Variants in PPIH observed in about 807,000 individuals in gnomAD.
PPIH encodes peptidyl-prolyl cis-trans isomerase H.
Under a neutral mutation model 27.6 loss-of-function variants are expected in PPIH, and 16 were observed. The ratio of observed to expected loss-of-function variants is 0.58; its 90% CI spans 0.39 to 0.88. PPIH has a LOEUF of 0.88. PPIH is among the 40% of genes least tolerant of loss of function. The pLI, the probability that PPIH is intolerant of heterozygous loss-of-function variation, is 0.00. For synonymous variants in PPIH, 63 were observed against 76.1 expected, an observed-to-expected ratio of 0.83 and a Z score of 0.90; for missense variants, 155 against 224.1, an observed-to-expected ratio of 0.69 and a Z score of 1.97.
intron 6 of PPIH, among the ~76,000 whole-genome samples, chr1:42,665,596 T>A (rs969032281): frequency 2.0e-5 from 3 of 152,074 alleles, no homozygotes; most frequent in African/African-American, 7.2e-5. Context: ...TCCCAGCACT[T>A]TGGGGAGGCC....
chr1:42,681,057 G>A (rs1347843767), downstream of PPIH: 2 of 152,180 alleles, frequency 1.3e-5, no homozygotes, highest in African/African-American at 4.8e-5. Context: ...AAGGAATACT[G>A]CATTAGCCTC....
At chr1:42,673,027 C>T (rs1277906067) in intron 9 of PPIH, among the ~76,000 whole-genome samples, 1 of 151,676 alleles carries the variant, frequency 6.6e-6, no homozygotes, top group African/African-American at 2.4e-5. Context: ...CAGGGTCTTA[C>T]TCTGTCACCC....
rs1649244452 is a variant in PPIH at position 42,664,843 on chromosome 1, C to T, written c.244-20C>T. 1 of 1,591,856 alleles carries T rather than the reference C, an allele frequency of 6.3e-7. No individual in the cohort carries two copies. On this transcript the variant is annotated intron_variant, in intron 5 of 9. Coordinates refer to ENST00000304979, the MANE Select transcript of PPIH (RefSeq NM_006347.4). The stretch of plus-strand genomic sequence containing the variant: ...GACCCAACACTCCAAGTCACTAATA[C>T]TTCCCTTCTCTCTGCTCAGGGAGAT...
intron 4 of PPIH, among the ~76,000 whole-genome samples, chr1:42,659,983 T>A (rs1428519012): frequency 6.6e-6 from 1 of 152,200 alleles, no homozygotes; most frequent in Non-Finnish European, 1.5e-5. Flanking sequence ...CAATATAGAA[T>A]CTTTCTCATG....
intron 4 of PPIH, 38 bp from the exon 5 acceptor site, chr1:42,660,824 C>T (rs750129999): frequency 6.6e-7 from 1 of 1,513,338 alleles, no homozygotes; most frequent in Non-Finnish European, 9.0e-7. Flanking sequence ...TTTTCTAAAC[C>T]ATAAAATCTT....
At chr1:42,668,202 CA>C (rs1016276659) in intron 9 of PPIH, among the ~76,000 whole-genome samples, 7 of 151,710 alleles carry the variant, frequency 4.6e-5, no homozygotes, top group Non-Finnish European at 7.4e-5. Context: ...TTCAAACCTG[CA>C]AAAAAGTTAG....
chr1:42,661,901 T>C (rs1258111816), intron 5 of PPIH, among the ~76,000 whole-genome samples: 1 of 152,210 alleles, frequency 6.6e-6, no homozygotes, highest in African/African-American at 2.4e-5. Context: ...GGGCCTGCAT[T>C]TCTCACAGTG....
chr1:42,672,695 G>A (rs541196358), intron 9 of PPIH, among the ~76,000 whole-genome samples: 33 of 151,946 alleles, frequency 2.2e-4, no homozygotes, highest in Non-Finnish European at 3.7e-4. Flanking sequence ...TGCCCAGGCT[G>A]GAGTGCAGTG....
intron 6 of PPIH, 121 bp from the exon 7 acceptor site, chr1:42,665,859 C>G (rs1342278556): frequency 6.3e-6 from 5 of 791,186 alleles, no homozygotes; most frequent in Non-Finnish European, 8.8e-6. Flanking sequence ...ATAATAGGTG[C>G]TAAGTTAGAT....
intron 9 of PPIH, chr1:42,675,417 C>T (rs1424542114): frequency 6.6e-6 from 1 of 152,258 alleles, no homozygotes; most frequent in African/African-American, 2.4e-5. Flanking sequence ...CATCTCTCCA[C>T]TGTGGCATTT....
At chr1:42,672,134 C>T (rs1034331066) in intron 9 of PPIH, among the ~76,000 whole-genome samples, 2 of 152,102 alleles carry the variant, frequency 1.3e-5, no homozygotes, top group Admixed American at 6.5e-5. Flanking sequence ...CCATCCGCCT[C>T]GGACTCCCAA....
In PPIH at chr1:42,658,506, C is replaced by A; in HGVS notation, c.60C>A (p.Gly20=). ...NPVVFFDVSI[G]GQEVGRMKIE... is the part of the protein sequence containing the mutation. ...TGGTGTTCTTTGATGTCAGTATTGG[C>A]GGTCAGGTGAGATCCAGGAGGCTGC... The change falls in exon 1 of 10, where the codon GGC becomes GGA. Residue 20 remains glycine (G), a synonymous_variant. Transcript: ENST00000304979. The A allele has an allele frequency of 6.2e-7, 1 of 1,613,882 alleles. No individual in the cohort carries two copies. The highest frequency in any genetic ancestry group is 8.5e-7 in the Non-Finnish European group (1 of 1,179,770).
At chr1:42,661,647 G>T (rs79912717) in intron 5 of PPIH, among the ~76,000 whole-genome samples, 1 of 152,072 alleles carries the variant, frequency 6.6e-6, no homozygotes, top group Non-Finnish European at 1.5e-5. Context: ...TAGTTGTGTT[G>T]CTGTTTTCTT....
At chr1:42,661,197 A>G (rs1424887373) in intron 5 of PPIH, among the ~76,000 whole-genome samples, 1 of 152,196 alleles carries the variant, frequency 6.6e-6, no homozygotes, top group Non-Finnish European at 1.5e-5. Flanking sequence ...ATGATCTATG[A>G]TAGGTTCACA....
rs1333475793 is a variant in PPIH at position 42,672,349 on chromosome 1, G to A, written c.*22-4235G>A. ...TGAGGCAAGTCAATAGGGGATAAGA[G>A]TCTATCTTTTAATTGAGAACTTGCC... On this transcript the variant is annotated intron_variant, in intron 9 of 9. Transcript: ENST00000304979. 3.3e-5 allele frequency among the ~76,000 whole-genome samples: 5 copies of A among 151,766 alleles called. No homozygotes were observed. In the East Asian group the frequency reaches 9.7e-4, roughly 29 times the overall value.
intron 5 of PPIH, among the ~76,000 whole-genome samples, chr1:42,662,779 A>G (rs562697029): frequency 6.6e-6 from 1 of 152,322 alleles, no homozygotes; most frequent in South Asian, 2.1e-4. Context: ...ACCTCACAAT[A>G]TACTATTGGC....
chr1:42,675,751 A>G (rs1422912559), intron 9 of PPIH, among the ~76,000 whole-genome samples: 1 of 152,162 alleles, frequency 6.6e-6, no homozygotes, highest in Non-Finnish European at 1.5e-5. Context: ...GCTCGACTTC[A>G]AGGCCATAAA....
intron 4 of PPIH, 43 bp downstream of exon 4, chr1:42,659,609 T>C: frequency 1.9e-6 from 3 of 1,593,054 alleles, no homozygotes; most frequent in Non-Finnish European, 2.6e-6. Flanking sequence ...TCAGAAATAT[T>C]TCCTGGGGGA....
At chr1:42,679,320 G>T (rs1039757372), downstream of PPIH, among the ~76,000 whole-genome samples, 1 of 152,234 alleles carries the variant, frequency 6.6e-6, no homozygotes. Flanking sequence ...CTCCCGAGTA[G>T]CTGGGATTAC....
Sources: gnomAD v4.1 joint callset for allele counts (sites outside exome capture counted in the v4.1 genomes callset) on GRCh38, gnomAD v4.1.1 for gene constraint, MANE v1.5 for transcripts, NCBI Gene and HGNC (gene_info 2026-07-23, HGNC 2026-07-21) for gene names.